The following LY9 variants were observed in gnomAD, a reference collection of about 807,000 sequenced individuals.
LY9 encodes lymphocyte antigen 9, also known as T-lymphocyte surface antigen Ly-9.
A neutral mutation model predicts 64.6 loss-of-function variants in LY9; 59 were observed. The ratio of observed to expected loss-of-function variants is 0.91; its 90% CI spans 0.74 to 1.13. LY9 has a LOEUF of 1.13. Ranked by LOEUF, LY9 falls within the 50% of genes most tolerant of loss-of-function variation. The pLI, the probability that LY9 is intolerant of heterozygous loss-of-function variation, is 0.00. For missense variants in LY9, 789 were observed against 797.2 expected, an observed-to-expected ratio of 0.99 and a Z score of 0.12; for synonymous variants, 281 against 308.5, an observed-to-expected ratio of 0.91 and a Z score of 0.93.
At position 160,823,447 on chromosome 1, in the gene LY9, C is replaced by G. The variant is rs1481798980; in HGVS notation, c.1499-18C>G. On this transcript the variant is annotated intron_variant, in intron 7 of 9. Coordinates refer to ENST00000263285, the MANE Select transcript of LY9 (RefSeq NM_002348.4). Reference sequence around the variant, plus strand: ...TGGGGTTGGCATACTTTTATCAGCCCTGCACAATGTGTTCCAGAACCCACA... The same window carrying G: ...TGGGGTTGGCATACTTTTATCAGCCGTGCACAATGTGTTCCAGAACCCACA... The G allele has an allele frequency of 2.8e-5, 45 of 1,592,774 alleles. No individual in the cohort carries two copies. Among genetic ancestry groups the G allele is most frequent in the South Asian group, 4.5e-5 (4 of 89,384 alleles).
chr1:160,798,668 C>A (rs545106304), intron 1 of LY9, among the ~76,000 whole-genome samples: 12 of 152,270 alleles, frequency 7.9e-5, no homozygotes, highest in African/African-American at 2.9e-4. Context: ...AAGCAGAGAA[C>A]CCCCATGACC....
chr1:160,817,413 A>T (rs1668043311), intron 5 of LY9, among the ~76,000 whole-genome samples: 1 of 152,244 alleles, frequency 6.6e-6, no homozygotes, highest in South Asian at 2.1e-4. Flanking sequence ...CAGTAATACT[A>T]GCCACACTTC....
In LY9 at chr1:160,814,832, A is replaced by G. The variant is rs778816821; in HGVS notation, c.1072+71A>G. ...AGCTTTCTCCTCTGCTGCCTTCTCC[A>G]CCTTCCGCTTCTCCAAGGGTCTTCC... On this transcript the variant is annotated intron_variant, in intron 4 of 9. Transcript: ENST00000263285. 3.9e-6 allele frequency: 5 copies of G among 1,266,590 alleles called. No individual in the cohort carries two copies. In the African/African-American group the frequency reaches 7.4e-5, roughly 19 times the overall value. The allele number at this position is 1,266,590 out of a possible 1,614,324, so 78.5% of individuals were successfully genotyped here.
intron 2 of LY9, among the ~76,000 whole-genome samples, chr1:160,805,231 A>G (rs1222594707): frequency 6.6e-6 from 1 of 150,402 alleles, no homozygotes; most frequent in African/African-American, 2.4e-5. Flanking sequence ...TCATGTAGGC[A>G]TTTATTTCTA....
intron 9 of LY9, chr1:160,824,643 A>G (rs1012244206): frequency 1.0e-6 from 1 of 983,382 alleles, no homozygotes; most frequent in Non-Finnish European, 1.2e-6. Context: ...AATTTTTGGA[A>G]AATACACCAC....
At position 160,805,444 on chromosome 1, in the gene LY9, T is replaced by C. The variant is rs556724723; in HGVS notation, c.454+5362T>C. 2.6e-4 allele frequency among the ~76,000 whole-genome samples: 39 copies of C among 152,324 alleles called. 1 individual carries two copies. In the East Asian group the frequency reaches 6.5e-3, roughly 26 times the overall value. ...AATATTGATTTCTAGTTTTATTCCA[T>C]TGGGATTGAAAAGATATTTGATATG... is the stretch of plus-strand genomic sequence containing the variant. On this transcript the variant is annotated intron_variant, in intron 2 of 9. Coordinates refer to ENST00000263285, the MANE Select transcript of LY9 (RefSeq NM_002348.4).
chr1:160,809,373 T>A (rs1440494389), intron 2 of LY9, among the ~76,000 whole-genome samples: 1 of 133,924 alleles, frequency 7.5e-6, no homozygotes, highest in Non-Finnish European at 1.7e-5. Context: ...ACTACTACTA[T>A]TACCAGTATT....
rs1213114709 is a variant in LY9 at position 160,816,637 on chromosome 1, T to C, written c.1116T>C (p.Ser372=). 3 of 1,613,178 alleles carry C rather than the reference T, an allele frequency of 1.9e-6. No homozygotes were observed. The change falls in exon 5 of 10, where the codon AGT becomes AGC. Residue 372 remains serine, a synonymous_variant. Coordinates refer to ENST00000263285, the MANE Select transcript of LY9 (RefSeq NM_002348.4). ...AAATCACGTGGAGCCTCAGGCACAG[T>C]GAGGATGGCATCTGCAGGATCAGCC... ...KPKITWSLRH[S]EDGICRISLT...
At chr1:160,797,315 G>T in intron 1 of LY9, 1 of 983,186 alleles carries the variant, frequency 1.0e-6, no homozygotes, top group African/African-American at 1.7e-5. Context: ...GTTGGCAGTT[G>T]GTGCCTGAAG....
chr1:160,823,864 A>C, intron 8 of LY9, 68 bp downstream of exon 8: 3 of 1,303,688 alleles, frequency 2.3e-6, no homozygotes, highest in Non-Finnish European at 3.3e-6. Context: ...ATCCTGGATG[A>C]CTAGTTCCTC....
rs562969006 is a variant in LY9, at chr1:160,807,069, A to T, written c.455-6567A>T. Among the ~76,000 whole-genome samples the T allele has an allele frequency of 4.6e-5, 7 of 152,244 alleles. No individual in the cohort carries two copies. In the South Asian group the frequency reaches 1.5e-3, roughly 32 times the overall value. ...CCTTCAGTGAAATCTTCAATTCCAG[A>T]ATTCTATTCATTCTGTTTTTTAAAT... On this transcript the variant is annotated intron_variant, in intron 2 of 9. Coordinates refer to ENST00000263285, the MANE Select transcript of LY9 (RefSeq NM_002348.4).
At chr1:160,802,097 G>A in intron 2 of LY9, 1 of 1,381,246 alleles carries the variant, frequency 7.2e-7, no homozygotes, top group Non-Finnish European at 9.4e-7. Context: ...TGGCACGTCG[G>A]GAACACCGGA....
chr1:160,814,097 C>T (rs1246714960), intron 3 of LY9, among the ~76,000 whole-genome samples, 186 bp downstream of exon 3: 1 of 152,208 alleles, frequency 6.6e-6, no homozygotes, highest in Non-Finnish European at 1.5e-5. Flanking sequence ...AAGCCCAGAA[C>T]ACTGTGATAC....
chr1:160,800,248 C>T, intron 2 of LY9, 166 bp downstream of exon 2: 1 of 598,760 alleles, frequency 1.7e-6, no homozygotes, highest in Non-Finnish European at 2.9e-6. Context: ...TAAGTATAGT[C>T]ACCCTACTCT....
intron 2 of LY9, among the ~76,000 whole-genome samples, chr1:160,801,232 T>TA (rs1666446328): frequency 6.6e-6 from 1 of 152,164 alleles, no homozygotes; most frequent in Non-Finnish European, 1.5e-5. Context: ...AACATGTGGT[T>TA]AGTGTTTAAA....
chr1:160,796,399 T>C, intron 1 of LY9, 88 bp downstream of exon 1: 1 of 1,330,856 alleles, frequency 7.5e-7, no homozygotes, highest in Non-Finnish European at 1.0e-6. Flanking sequence ...CTTTTTTTTG[T>C]TTTTTGTTTT....
intron 2 of LY9, among the ~76,000 whole-genome samples, chr1:160,805,754 C>T (rs1666923320): frequency 1.4e-5 from 2 of 140,094 alleles, no homozygotes; most frequent in South Asian, 4.9e-4. Context: ...CACACACACA[C>T]ACACACACAC....
At chr1:160,802,549 G>C in intron 2 of LY9, 2 of 985,628 alleles carry the variant, frequency 2.0e-6, no homozygotes, top group South Asian at 9.4e-5. Context: ...GTTTTTCCAA[G>C]AAATGGTTCA....
chr1:160,817,355 A>C (rs1300786324), intron 5 of LY9, among the ~76,000 whole-genome samples: 1 of 152,242 alleles, frequency 6.6e-6, no homozygotes, highest in African/African-American at 2.4e-5. Context: ...TTGAGTAGCC[A>C]TTTTTAAATT....
Sources: allele counts gnomAD v4.1 joint callset (sites outside exome capture counted in the v4.1 genomes callset), GRCh38; gene constraint gnomAD v4.1.1; transcripts MANE v1.5; gene names NCBI Gene and HGNC (gene_info 2026-07-23, HGNC 2026-07-21).